The following KIAA1217 variants were observed in gnomAD, a reference collection of about 807,000 sequenced individuals.
KIAA1217 encodes KIAA1217, also known as sickle tail protein homolog.
KIAA1217 carries 88 observed loss-of-function variants against 163.9 expected under a neutral mutation model. The observed-to-expected ratio is 0.54, with a 90% CI of 0.45 to 0.64. KIAA1217 has a LOEUF of 0.64. Ranked by LOEUF, KIAA1217 falls within the 30% of genes least tolerant of loss-of-function variation. KIAA1217 has a pLI of 0.00. For synonymous variants in KIAA1217, 903 were observed against 923.1 expected (o/e 0.98, Z 0.39); for missense variants, 2,372 against 2,475.0 (o/e 0.96, Z 0.88).
At position 23,861,961 on chromosome 10, in the gene KIAA1217, T is replaced by G. The variant is rs1412722741; in HGVS notation, c.-320-145264T>G. 2.0e-5 allele frequency among the ~76,000 whole-genome samples: 3 copies of G among 152,176 alleles called. No homozygotes were observed. In the East Asian group the frequency reaches 5.8e-4, roughly 29 times the overall value. ...TAAAGCTGCTAAATTTGTGGCAATT[T>G]GTTATGACAGCAATAGAAAACTAAT... On this transcript the variant is annotated intron_variant, in intron 1 of 18. Transcript: ENST00000376462.
intron 1 of KIAA1217, among the ~76,000 whole-genome samples, chr10:23,743,656 G>A (rs1251827313): frequency 3.3e-5 from 5 of 152,174 alleles, no homozygotes; most frequent in African/African-American, 4.8e-5. Context: ...CTCTGACACT[G>A]CAAGATTTTA....
intron 2 of KIAA1217, among the ~76,000 whole-genome samples, chr10:24,356,174 A>C (rs1206467091): frequency 2.6e-5 from 4 of 152,160 alleles, no homozygotes; most frequent in African/African-American, 9.7e-5. Flanking sequence ...TATAGTTAAC[A>C]GTGCTTTCAA....
intron 2 of KIAA1217, among the ~76,000 whole-genome samples, chr10:24,093,035 C>T (rs1394388056): frequency 6.6e-6 from 1 of 151,126 alleles, no homozygotes; most frequent in Non-Finnish European, 1.5e-5. Flanking sequence ...ACTCCGTTGC[C>T]CAGGCTGGAA....
rs1037241726 is a variant in KIAA1217, at chr10:24,242,409, C to T, written c.354+22500C>T. On this transcript the variant is annotated intron_variant, in intron 2 of 20. Transcript: ENST00000376454. Reference sequence around the variant, plus strand: ...ATGGTATTCAGCTCCATCCATGTTGCTGCCAAAGAAATGATTTCATTCTTT... The same window carrying T: ...ATGGTATTCAGCTCCATCCATGTTGTTGCCAAAGAAATGATTTCATTCTTT... Among the ~76,000 whole-genome samples, 39 of 152,214 alleles carry T rather than the reference C, an allele frequency of 2.6e-4. 2 individuals carry two copies. The highest frequency in any genetic ancestry group is 2.6e-3 in the Admixed American group (39 of 15,270).
chr10:24,527,498 T>C (rs1256187512), intron 13 of KIAA1217, among the ~76,000 whole-genome samples: 1 of 131,904 alleles, frequency 7.6e-6, no homozygotes, highest in East Asian at 2.1e-4. Context: ...CCATTGCTAC[T>C]TAAAAAAAAA....
chr10:24,545,699 G>A lies in KIAA1217; in HGVS notation c.5335-128G>A, dbSNP rs556659169. 106 of 1,484,008 alleles carry A rather than the reference G, an allele frequency of 7.1e-5. No individual in the cohort carries two copies. In the South Asian group the frequency reaches 1.4e-3, roughly 19 times the overall value. The allele number at this position is 1,484,008 out of a possible 1,614,324, so 91.9% of individuals were successfully genotyped here. A position where few individuals can be genotyped will look rare whatever the true frequency, so the allele number is the denominator to read the frequency against. ...TAGAGCACAACAAGACTTAGCTCAGGCCTTGAACTGTGTTTGGTTGGTTTT... is the reference window on the plus strand; with the variant it reads ...TAGAGCACAACAAGACTTAGCTCAGACCTTGAACTGTGTTTGGTTGGTTTT... On this transcript the variant is annotated intron_variant, in intron 20 of 20. Coordinates refer to ENST00000376454, the MANE Select transcript of KIAA1217 (RefSeq NM_019590.5).
intron 5 of KIAA1217, among the ~76,000 whole-genome samples, chr10:24,446,186 G>T (rs985179271): frequency 4.6e-5 from 7 of 152,144 alleles, no homozygotes; most frequent in African/African-American, 1.7e-4. Flanking sequence ...CTTCTTTTGA[G>T]AAGTGTCTGT....
chr10:24,384,048 A>G (rs953099849), intron 3 of KIAA1217, among the ~76,000 whole-genome samples: 2 of 152,164 alleles, frequency 1.3e-5, no homozygotes, highest in Admixed American at 6.5e-5. Context: ...CAGGGTGTCT[A>G]CCAGCACCTG....
intron 5 of KIAA1217, among the ~76,000 whole-genome samples, chr10:24,455,552 T>C (rs950126046): frequency 2.0e-5 from 3 of 152,226 alleles, no homozygotes; most frequent in African/African-American, 7.2e-5. Flanking sequence ...GATAATGTAG[T>C]TGAAATTCTG....
At chr10:24,110,392 A>G (rs2062801408) in intron 2 of KIAA1217, among the ~76,000 whole-genome samples, 1 of 152,182 alleles carries the variant, frequency 6.6e-6, no homozygotes, top group South Asian at 2.1e-4. Context: ...GGCTGTGTGT[A>G]CTATTATATG....
chr10:24,312,951 G>A (rs1042784169), intron 2 of KIAA1217, among the ~76,000 whole-genome samples: 2 of 152,016 alleles, frequency 1.3e-5, no homozygotes, highest in Admixed American at 1.3e-4. Context: ...AAGAGGTATT[G>A]GAAGGCCTTA....
chr10:23,926,807 T>A (rs1011669503), intron 1 of KIAA1217, among the ~76,000 whole-genome samples: 8 of 152,064 alleles, frequency 5.3e-5, no homozygotes, highest in African/African-American at 1.9e-4. Context: ...CTCCCTCTTT[T>A]CTTCCTCCCT....
intron 9 of KIAA1217, among the ~76,000 whole-genome samples, chr10:24,501,804 AGTGG>A (rs2067650442): frequency 3.3e-5 from 4 of 120,824 alleles, no homozygotes; most frequent in Non-Finnish European, 6.3e-5. Context: ...GCTGGAGTGC[AGTGG>A]CGCGATCTCG....
At chr10:24,346,329 G>A (rs1333160792) in intron 2 of KIAA1217, among the ~76,000 whole-genome samples, 1 of 151,756 alleles carries the variant, frequency 6.6e-6, no homozygotes, top group Non-Finnish European at 1.5e-5. Context: ...AATATTTGCT[G>A]GGCATGGTGG....
chr10:24,216,793 C>G (rs1384784549), intron 1 of KIAA1217, among the ~76,000 whole-genome samples: 1 of 144,440 alleles, frequency 6.9e-6, no homozygotes, highest in African/African-American at 2.6e-5. Context: ...CACCACTGCA[C>G]TCCAGCCTGA....
intron 1 of KIAA1217, among the ~76,000 whole-genome samples, chr10:23,717,253 G>T (rs1434156117): frequency 6.6e-6 from 1 of 152,076 alleles, no homozygotes. Flanking sequence ...AAATGAAATA[G>T]GTTGAATTCC....
At chr10:24,059,565 C>A (rs192206534) in intron 2 of KIAA1217, among the ~76,000 whole-genome samples, 57 of 151,878 alleles carry the variant, frequency 3.8e-4, no homozygotes, top group African/African-American at 1.4e-3. Flanking sequence ...TATGTCTATG[C>A]CAGTTTTTTG....
At chr10:23,971,308 G>A (rs544716992) in intron 1 of KIAA1217, among the ~76,000 whole-genome samples, 3 of 152,140 alleles carry the variant, frequency 2.0e-5, no homozygotes, top group East Asian at 1.9e-4. Context: ...GAGCCCACTC[G>A]CCCAATTCCT....
At chr10:23,987,738 G>C (rs2131429123) in intron 1 of KIAA1217, among the ~76,000 whole-genome samples, 2 of 152,104 alleles carry the variant, frequency 1.3e-5, no homozygotes, top group African/African-American at 4.8e-5. Context: ...TAGATCTCTT[G>C]AACGTATTCC....
Sources: allele counts gnomAD v4.1 joint callset (sites outside exome capture counted in the v4.1 genomes callset), GRCh38; gene constraint gnomAD v4.1.1; transcripts MANE v1.5; gene names NCBI Gene and HGNC (gene_info 2026-07-23, HGNC 2026-07-21).